Variants in PRKCE observed in about 807,000 individuals in gnomAD.
PRKCE encodes protein kinase C epsilon type.
A neutral mutation model predicts 85.4 loss-of-function variants in PRKCE; 16 were observed. The ratio of observed to expected loss-of-function variants is 0.19; its 90% confidence interval spans 0.13 to 0.28. The LOEUF (loss-of-function observed/expected upper bound fraction) is 0.28, where lower values mean the gene tolerates loss of function less well. Among genes scored for constraint, PRKCE ranks in the 10% least tolerant of loss-of-function variants. The pLI, the probability that PRKCE is intolerant of heterozygous loss-of-function variation, is 1.00. For missense variants in PRKCE, 573 were observed against 975.2 expected, an observed-to-expected ratio of 0.59 and a Z score of 5.49; for synonymous variants, 388 against 371.5, an observed-to-expected ratio of 1.04 and a Z score of -0.51.
intron 1 of PRKCE, among the ~76,000 whole-genome samples, chr2:45,736,473 C>T (rs533884022): frequency 6.6e-6 from 1 of 152,278 alleles, no homozygotes; most frequent in East Asian, 1.9e-4. Context: ...AGGGCAGTTG[C>T]TTACAGAAAA....
At chr2:45,870,294 G>A (rs1001177953) in intron 2 of PRKCE, among the ~76,000 whole-genome samples, 6 of 152,158 alleles carry the variant, frequency 3.9e-5, no homozygotes, top group Non-Finnish European at 4.4e-5. Context: ...CTTGGGGTAA[G>A]GGGATCCTAG....
chr2:46,109,328 A>G (rs1359267923), intron 11 of PRKCE, among the ~76,000 whole-genome samples: 1 of 152,184 alleles, frequency 6.6e-6, no homozygotes, highest in Non-Finnish European at 1.5e-5. Flanking sequence ...ATCCATGAAC[A>G]TGAAATAACT....
In PRKCE at chr2:45,895,813, G is replaced by A. The variant is rs573193991; in HGVS notation, c.412+52750G>A. On this transcript the variant is annotated intron_variant, in intron 2 of 14. Transcript: ENST00000306156. This position sits in a 1 kb window ranked among gnomAD's most constrained non-coding sequence, Gnocchi z 4.8. ...CAGGAATCTACGCAGGTGCGCAGGTGTAGAGGAAGTGCTGTAGGGCCGCAG... is the reference window on the plus strand; with the variant it reads ...CAGGAATCTACGCAGGTGCGCAGGTATAGAGGAAGTGCTGTAGGGCCGCAG... Among the ~76,000 whole-genome samples the A allele has an allele frequency of 9.9e-5, 15 of 152,184 alleles. No individual in the cohort carries two copies. The highest frequency in any genetic ancestry group is 2.0e-4 in the Admixed American group (3 of 15,284).
chr2:46,123,214 C>CTTTTTT lies in PRKCE; in HGVS notation c.1593-21855_1593-21850dup, dbSNP rs70937991. On this transcript the variant is annotated intron_variant, in intron 11 of 14. Transcript: ENST00000306156. ...AAGCTTTACAAAGGAAAACACTTGC[C>CTTTTTT]TTTTTTTTTTTTTTTTTTTTTTTTT... is the stretch of plus-strand genomic sequence containing the variant. Among the ~76,000 whole-genome samples the CTTTTTT allele has an allele frequency of 3.5e-3, 96 of 27,370 alleles. 22 individuals carry two copies. Among genetic ancestry groups the CTTTTTT allele is most frequent in the African/African-American group, 6.7e-3 (53 of 7,910 alleles). 18.0% of individuals were successfully genotyped at this position (27,370 alleles called of 152,430 possible).
At chr2:46,071,975 G>A (rs1668120660) in intron 10 of PRKCE, among the ~76,000 whole-genome samples, 1 of 152,128 alleles carries the variant, frequency 6.6e-6, no homozygotes, top group Admixed American at 6.5e-5. Context: ...TTAAACACAC[G>A]CGGGAATTCA....
At chr2:46,109,282 G>C (rs1672030666) in intron 11 of PRKCE, among the ~76,000 whole-genome samples, 1 of 152,000 alleles carries the variant, frequency 6.6e-6, no homozygotes, top group Non-Finnish European at 1.5e-5. Context: ...TTTTAAGTTG[G>C]GGACAATTGA....
intron 1 of PRKCE, among the ~76,000 whole-genome samples, chr2:45,689,901 CA>C (rs559521203): frequency 0.29 from 23,471 of 82,010 alleles, 1,780 homozygotes; most frequent in East Asian, 0.43. Flanking sequence ...GACTCCATCT[CA>C]AAAAAAAAAA....
intron 1 of PRKCE, among the ~76,000 whole-genome samples, chr2:45,832,444 C>G (rs1198664003): frequency 6.6e-6 from 1 of 151,850 alleles, no homozygotes; most frequent in Non-Finnish European, 1.5e-5. Context: ...TCCCTAGTAG[C>G]TGGGACTACA....
chr2:45,923,659 G>C (rs1698415200), intron 2 of PRKCE, among the ~76,000 whole-genome samples: 1 of 152,318 alleles, frequency 6.6e-6, no homozygotes, highest in Non-Finnish European at 1.5e-5. Context: ...ATGTGTGCAG[G>C]TTTGTGATTA....
At chr2:45,706,831 CTG>C (rs1679154608) in intron 1 of PRKCE, among the ~76,000 whole-genome samples, 2 of 152,314 alleles carry the variant, frequency 1.3e-5, no homozygotes, top group South Asian at 4.1e-4. Context: ...TTCATTTGAA[CTG>C]TGTCTTTTAG....
At chr2:45,883,448 G>A (rs984667983) in intron 2 of PRKCE, among the ~76,000 whole-genome samples, 18 of 152,296 alleles carry the variant, frequency 1.2e-4, no homozygotes, top group Admixed American at 4.6e-4. Context: ...AGCCAACCAC[G>A]GAGTCTGGAA....
intron 10 of PRKCE, among the ~76,000 whole-genome samples, chr2:46,011,703 C>T (rs1166166969): frequency 6.6e-6 from 1 of 152,146 alleles, no homozygotes; most frequent in African/African-American, 2.4e-5. Flanking sequence ...GCAATGAAAA[C>T]AAAATTACCT....
intron 11 of PRKCE, among the ~76,000 whole-genome samples, chr2:46,096,834 CCA>C (rs1558450198): frequency 2.0e-5 from 3 of 152,202 alleles, no homozygotes; most frequent in African/African-American, 4.8e-5. Flanking sequence ...TCTCTCTGAG[CCA>C]CAGTTTCCTC....
chr2:45,978,007 C>T (rs940431788), intron 3 of PRKCE: 1 of 152,200 alleles, frequency 6.6e-6, no homozygotes, highest in Non-Finnish European at 1.5e-5. Context: ...GTCCAGTAGT[C>T]ACTTGTCTTA....
intron 2 of PRKCE, among the ~76,000 whole-genome samples, chr2:45,938,780 G>A (rs1699666737): frequency 2.0e-5 from 3 of 152,152 alleles, no homozygotes; most frequent in Non-Finnish European, 4.4e-5. Flanking sequence ...ACAAAGTCGT[G>A]CCAGTTTTCT....
At chr2:46,029,469 G>T (rs1707362173) in intron 10 of PRKCE, among the ~76,000 whole-genome samples, 1 of 152,142 alleles carries the variant, frequency 6.6e-6, no homozygotes, top group South Asian at 2.1e-4. Context: ...CACAAAAGTG[G>T]CTTGGAGGTG....
intron 2 of PRKCE, among the ~76,000 whole-genome samples, chr2:45,913,783 AG>A (rs1697552981): frequency 1.3e-5 from 2 of 152,180 alleles, no homozygotes; most frequent in East Asian, 3.8e-4. Context: ...CCAGGTGTCT[AG>A]TGTGTAGTCA....
chr2:46,114,922 A>G (rs1274004457), intron 11 of PRKCE, among the ~76,000 whole-genome samples: 2 of 152,118 alleles, frequency 1.3e-5, no homozygotes, highest in African/African-American at 4.8e-5. Flanking sequence ...CCTTTATAAT[A>G]TATGTTTAGG....
chr2:46,182,986 G>C (rs1478342996), intron 14 of PRKCE, among the ~76,000 whole-genome samples: 1 of 152,186 alleles, frequency 6.6e-6, no homozygotes, highest in Non-Finnish European at 1.5e-5. Flanking sequence ...ACCCAGTCCA[G>C]TGACCCTGGG....
Sources: gnomAD v4.1 joint callset for allele counts (sites outside exome capture counted in the v4.1 genomes callset) on GRCh38, gnomAD v4.1.1 for gene constraint, Gnocchi (gnomAD v3.1) non-coding constraint, MANE v1.5 for transcripts, NCBI Gene and HGNC (gene_info 2026-07-23, HGNC 2026-07-21) for gene names.